The following NR2F6 variants were observed in gnomAD, a reference collection of about 807,000 sequenced individuals.
The protein encoded by NR2F6 is nuclear receptor subfamily 2 group F member 6.
Under a neutral mutation model 26.5 loss-of-function variants are expected in NR2F6, and 16 were observed. The observed-to-expected ratio is 0.60, with a 90% CI of 0.41 to 0.92. NR2F6 has a LOEUF of 0.92. Ranked by LOEUF, NR2F6 falls within the 40% of genes least tolerant of loss-of-function variation. The pLI, the probability that NR2F6 is intolerant of heterozygous loss-of-function variation, is 0.00. For missense variants in NR2F6, 536 were observed against 631.7 expected, an observed-to-expected ratio of 0.85 and a Z score of 1.62; for synonymous variants, 325 against 305.0, an observed-to-expected ratio of 1.07 and a Z score of -0.68.
chr19:17,244,911 G>A, intron 1 of NR2F6, 32 bp downstream of exon 1: 1 of 1,551,994 alleles, frequency 6.4e-7, no homozygotes, highest in Non-Finnish European at 8.7e-7. Context: ...GGGGCGGGGT[G>A]CACGGCGGCG....
intron 1 of NR2F6, among the ~76,000 whole-genome samples, chr19:17,243,015 G>A (rs1399532169): frequency 6.6e-6 from 1 of 152,072 alleles, no homozygotes; most frequent in Non-Finnish European, 1.5e-5. Flanking sequence ...CAGCATTTCA[G>A]GCCCACCTAG....
chr19:17,244,957 G>A lies in NR2F6; in HGVS notation c.264C>T (p.Leu88=), dbSNP rs569956605. 5.1e-6 allele frequency: 8 copies of A among 1,564,750 alleles called. No individual in the cohort carries two copies. In the South Asian group the frequency reaches 8.2e-5, roughly 16 times the overall value. ...SFFKRSIRRN[L]SYTCRSNRDC... ...GGGGGGCTCACCGGCAGGTGTAGCT[G>A]AGGTTGCGGCGGATGCTTCGCTTGA... Residue 88 remains leucine (L), a synonymous_variant, in exon 1 of 4, where the codon CTC becomes CTT. Transcript: ENST00000291442.
rs533180729 is a variant in NR2F6 at position 17,237,632 on chromosome 19, A to G, written c.374-1567T>C. 7.7e-3 allele frequency among the ~76,000 whole-genome samples: 1,171 copies of G among 152,116 alleles called. 7 individuals carry two copies. The highest frequency in any genetic ancestry group is 0.01 in the Middle Eastern group (3 of 294). ...TCACCATGTTGGCCAGGATGGTCTC[A>G]ATCTCCTGACCTCGTGATCTGCCCA... On this transcript the variant is annotated intron_variant, in intron 2 of 3. Coordinates refer to ENST00000291442, the MANE Select transcript of NR2F6 (RefSeq NM_005234.4).
intron 2 of NR2F6, among the ~76,000 whole-genome samples, chr19:17,237,394 CCTCTCTCTCTCTCTCCCT>C (rs1173751007): frequency 8.2e-4 from 112 of 136,838 alleles, no homozygotes; most frequent in Non-Finnish European, 1.4e-3. Context: ...TTCCTTTCTT[CCTCTCTCTCTCTCTCCCT>C]CTCTCTCTCT....
At chr19:17,233,101 C>T (rs2073416917) in intron 3 of NR2F6, among the ~76,000 whole-genome samples, 1 of 152,056 alleles carries the variant, frequency 6.6e-6, no homozygotes, top group African/African-American at 2.4e-5. Context: ...GAGCCGAGAT[C>T]GTGCCACTGC....
Position 17,232,089 on chromosome 19 carries a change from CA to C in NR2F6, c.*262del. 1 of 492,412 alleles carries C rather than the reference CA, an allele frequency of 2.0e-6. No homozygotes were observed. The highest frequency in any genetic ancestry group is 3.6e-6 in the Non-Finnish European group (1 of 280,690). The allele number at this position is 492,412 out of a possible 1,614,324, so 30.5% of individuals were successfully genotyped here. A position where few individuals can be genotyped will look rare whatever the true frequency, so the allele number is the denominator to read the frequency against. On this transcript the variant is annotated 3_prime_UTR_variant, in exon 4 of 4. Coordinates refer to ENST00000291442, the MANE Select transcript of NR2F6 (RefSeq NM_005234.4). The stretch of plus-strand genomic sequence containing the variant: ...AGTTCATGCTAGGGGTGCTGAGGAA[CA>C]AGGCTGTCCTAGGATTGGACCCTCC...
rs761842500 is a variant in NR2F6, at chr19:17,232,391, C to T, written c.1176G>A (p.Ser392=). ...CGTAGGGCCAGTTGAAGGTACTCCC[C>T]GACAGCAGCATGTCTCTGATCAGTG... is the stretch of plus-strand genomic sequence containing the variant. ...IETLIRDMLL[S]GSTFNWPYGS... Residue 392 remains serine, a synonymous_variant, in exon 4 of 4, where the codon TCG becomes TCA. Transcript: ENST00000291442. The T allele has an allele frequency of 6.2e-6, 10 of 1,613,962 alleles. No individual in the cohort carries two copies. The highest frequency in any genetic ancestry group is 1.6e-4 in the Middle Eastern group (1 of 6,084).
intron 2 of NR2F6, among the ~76,000 whole-genome samples, chr19:17,238,009 G>A (rs369610818): frequency 3.9e-5 from 6 of 152,094 alleles, no homozygotes; most frequent in South Asian, 2.1e-4. Flanking sequence ...GCATGGTAGC[G>A]AACACCTGTA....
intron 2 of NR2F6, among the ~76,000 whole-genome samples, chr19:17,239,382 C>T (rs1397732628): frequency 6.6e-6 from 1 of 150,826 alleles, no homozygotes; most frequent in Non-Finnish European, 1.5e-5. Context: ...GCGTGCCGGG[C>T]GCGGTGGCTT....
At chr19:17,240,581 G>T in intron 2 of NR2F6, 90 bp downstream of exon 2, 1 of 1,218,350 alleles carries the variant, frequency 8.2e-7, no homozygotes, top group Non-Finnish European at 1.2e-6. Context: ...AGGGGTGAAA[G>T]GGAGGGGAAA....
Position 17,235,403 on chromosome 19 carries a change from G to C in NR2F6, c.940+96C>G. The stretch of plus-strand genomic sequence containing the variant: ...GGGCCCCAGGCCTAGGGAGCGAGCG[G>C]GGCGCTATGGGGGCCGGAGTCTGGG... On this transcript the variant is annotated intron_variant, in intron 3 of 3. Coordinates refer to ENST00000291442, the MANE Select transcript of NR2F6 (RefSeq NM_005234.4). The surrounding 1 kb of genome is among the most constrained non-coding windows in gnomAD (Gnocchi z 5.0). The C allele has an allele frequency of 1.3e-6, 2 of 1,499,402 alleles. No individual in the cohort carries two copies. The highest frequency in any genetic ancestry group is 2.1e-5 in the Admixed American group (1 of 47,740). The allele number at this position is 1,499,402 out of a possible 1,614,324, so 92.9% of individuals were successfully genotyped here. A position where few individuals can be genotyped will look rare whatever the true frequency, so the allele number is the denominator to read the frequency against.
At chr19:17,242,393 T>C (rs1236960328) in intron 1 of NR2F6, among the ~76,000 whole-genome samples, 1 of 152,188 alleles carries the variant, frequency 6.6e-6, no homozygotes, top group African/African-American at 2.4e-5. Flanking sequence ...AGGTGGCGAC[T>C]GCCCCACTGA....
intron 1 of NR2F6, 96 bp from the exon 2 acceptor site, chr19:17,240,861 A>G: frequency 8.3e-7 from 1 of 1,203,116 alleles, no homozygotes; most frequent in East Asian, 2.4e-5. Flanking sequence ...CCTCAGAAAT[A>G]CTAGTAGGGG....
intron 3 of NR2F6, 78 bp from the exon 4 acceptor site, chr19:17,232,704 C>G (rs1174844843): frequency 6.8e-7 from 1 of 1,463,860 alleles, no homozygotes; most frequent in Admixed American, 2.4e-5. Flanking sequence ...TAGGGGACAC[C>G]ACTCGCCACT....
At chr19:17,241,610 A>G (rs551442786) in intron 1 of NR2F6, among the ~76,000 whole-genome samples, 1 of 152,330 alleles carries the variant, frequency 6.6e-6, no homozygotes, top group East Asian at 1.9e-4. Context: ...GTCTCTTGCC[A>G]CCAGGAGCTG....
In NR2F6 at chr19:17,245,443, G is replaced by A; in HGVS notation, c.-223C>T. On this transcript the variant is annotated 5_prime_UTR_variant, in exon 1 of 4. Coordinates refer to ENST00000291442, the MANE Select transcript of NR2F6 (RefSeq NM_005234.4). This position sits in a 1 kb window ranked among gnomAD's most constrained non-coding sequence, Gnocchi z 5.0. Reference sequence around the variant, plus strand: ...GCCAACTTTCCCACGCGTGCGCGGGGCCGGGCCCGGGGCCGGGAGGGGCAC... The same window carrying A: ...GCCAACTTTCCCACGCGTGCGCGGGACCGGGCCCGGGGCCGGGAGGGGCAC... 1 of 271,638 alleles carries A rather than the reference G, an allele frequency of 3.7e-6. No individual in the cohort carries two copies. Among genetic ancestry groups the A allele is most frequent in the Non-Finnish European group, 6.5e-6 (1 of 153,002 alleles). 16.8% of individuals were successfully genotyped at this position (271,638 alleles called of 1,614,324 possible).
intron 3 of NR2F6, among the ~76,000 whole-genome samples, chr19:17,234,800 A>G (rs1221172048): frequency 6.6e-6 from 1 of 152,180 alleles, no homozygotes; most frequent in Non-Finnish European, 1.5e-5. Context: ...TCAAGGCTGC[A>G]GTGAACCGTG....
intron 2 of NR2F6, among the ~76,000 whole-genome samples, chr19:17,237,116 A>G (rs1250061994): frequency 1.3e-5 from 2 of 152,188 alleles, no homozygotes; most frequent in African/African-American, 4.8e-5. Context: ...GGGGAACGCG[A>G]GCAGAAGCCA....
intron 2 of NR2F6, among the ~76,000 whole-genome samples, chr19:17,239,373 C>A (rs2073456767): frequency 7.0e-6 from 1 of 143,694 alleles, no homozygotes; most frequent in East Asian, 2.2e-4. Flanking sequence ...ATTAGGTGGG[C>A]GTGCCGGGCG....
Sources: gnomAD v4.1 joint callset for allele counts (sites outside exome capture counted in the v4.1 genomes callset) on GRCh38, gnomAD v4.1.1 for gene constraint, Gnocchi (gnomAD v3.1) non-coding constraint, MANE v1.5 for transcripts, NCBI Gene and HGNC (gene_info 2026-07-23, HGNC 2026-07-21) for gene names.